SYT6: variants seen among roughly 807,000 people sequenced by gnomAD.
SYT6 encodes synaptotagmin 6.
In SYT6, 24 loss-of-function variants were observed where a neutral mutation model predicts 38.4. That is an observed-to-expected ratio of 0.62 (90% CI 0.45 to 0.88). The LOEUF (loss-of-function observed/expected upper bound fraction) is 0.88. SYT6 is among the 40% of genes least tolerant of loss of function. The pLI is 0.00. For synonymous variants in SYT6, 265 were observed against 241.9 expected (o/e 1.10, Z -0.89); for missense variants, 611 against 621.0 (o/e 0.98, Z 0.17).
In SYT6 at chr1:114,093,715, G is replaced by T. The variant is rs1178454148; in HGVS notation, c.*51+20C>A. ...GGTAATAAGCAACCTAACGTCTTTG[G>T]GTCCACACCAGGTACTTACTCCTAA... On this transcript the variant is annotated intron_variant, in intron 7 of 7. Transcript: ENST00000610222. The T allele has an allele frequency of 4.3e-6, 7 of 1,609,848 alleles. No homozygotes were observed. Among genetic ancestry groups the T allele is most frequent in the Non-Finnish European group, 5.1e-6 (6 of 1,177,926 alleles).
intron 3 of SYT6, among the ~76,000 whole-genome samples, chr1:114,107,355 C>T (rs1218914947): frequency 2.6e-5 from 4 of 152,340 alleles, no homozygotes; most frequent in Middle Eastern, 3.4e-3. Flanking sequence ...TGGCAGCTGG[C>T]GACATGCAGG....
chr1:114,096,498 T>C (rs684426), intron 6 of SYT6, among the ~76,000 whole-genome samples: 9,199 of 152,260 alleles, frequency 0.06, 447 homozygotes, highest in African/African-American at 0.12. Context: ...TAGCCTGTCC[T>C]CCATCCCCCA....
At chr1:114,124,597 T>C (rs972979928) in intron 3 of SYT6, among the ~76,000 whole-genome samples, 1 of 152,134 alleles carries the variant, frequency 6.6e-6, no homozygotes, top group Non-Finnish European at 1.5e-5. Context: ...TTTGTGTTGC[T>C]TGGAGTGTGG....
At chr1:114,096,986 CG>C in intron 6 of SYT6, among the ~76,000 whole-genome samples, 1 of 152,252 alleles carries the variant, frequency 6.6e-6, no homozygotes, top group Non-Finnish European at 1.5e-5. Context: ...GATCCTAAGT[CG>C]GTGGGATTCA....
chr1:114,093,156 G>A (rs1265645905), intron 7 of SYT6, among the ~76,000 whole-genome samples: 5 of 152,086 alleles, frequency 3.3e-5, no homozygotes, highest in Admixed American at 6.5e-5. Context: ...GTTTGGGGTC[G>A]GGGGAGGATG....
chr1:114,112,731 AG>A (rs1676759363), intron 3 of SYT6, among the ~76,000 whole-genome samples: 1 of 152,234 alleles, frequency 6.6e-6, no homozygotes, highest in Non-Finnish European at 1.5e-5. Flanking sequence ...CATTAACCAC[AG>A]GGGTGGTGGG....
intron 1 of SYT6, 80 bp from the exon 2 acceptor site, chr1:114,140,043 G>A (rs996387183): frequency 3.8e-6 from 3 of 786,548 alleles, no homozygotes; most frequent in Admixed American, 3.1e-5. Flanking sequence ...GGAGGAGGGG[G>A]CACACGGAAG....
Position 114,139,381 on chromosome 1 carries a change from G to A in SYT6, c.512+234C>T, listed in dbSNP as rs143994785. 4.4e-4 allele frequency among the ~76,000 whole-genome samples: 67 copies of A among 152,160 alleles called. 1 individual carries two copies. The highest frequency in any genetic ancestry group is 6.8e-4 in the Non-Finnish European group (46 of 68,000). Reference sequence around the variant, plus strand: ...CCCCTCACACCCACACACACCCCAAGTGCAAACCACATATACAGCAACCCG... The same window carrying A: ...CCCCTCACACCCACACACACCCCAAATGCAAACCACATATACAGCAACCCG... On this transcript the variant is annotated intron_variant, in intron 2 of 7. Transcript: ENST00000610222.
intron 3 of SYT6, among the ~76,000 whole-genome samples, chr1:114,133,342 A>G (rs936939782): frequency 6.6e-6 from 1 of 152,220 alleles, no homozygotes; most frequent in African/African-American, 2.4e-5. Context: ...TAGCGACAGG[A>G]ATAGTTGTGT....
At position 114,137,911 on chromosome 1, in the gene SYT6, C is replaced by T. The variant is rs756668154; in HGVS notation, c.655G>A (p.Gly219Arg). 2.5e-6 allele frequency: 4 copies of T among 1,613,962 alleles called. No individual in the cohort carries two copies. The South Asian group carries it at 3.3e-5, about 13-fold the overall frequency. The change falls in exon 3 of 8, where the codon GGG becomes AGG. Residue 219 changes from glycine (G) to arginine (R), a missense_variant. Transcript: ENST00000610222. ...PELYKQKSVD[G>R]EDAKSEATKS... Reference sequence around the variant, plus strand: ...GTGGCCTCAGACTTGGCATCCTCCCCATCCACCGACTTCTGCTTGTAGAGC... The same window carrying T: ...GTGGCCTCAGACTTGGCATCCTCCCTATCCACCGACTTCTGCTTGTAGAGC...
At chr1:114,114,486 G>C (rs1334435703) in intron 3 of SYT6, among the ~76,000 whole-genome samples, 1 of 152,186 alleles carries the variant, frequency 6.6e-6, no homozygotes, top group Non-Finnish European at 1.5e-5. Context: ...TCAGCCTCTG[G>C]TCTCCCCAGG....
Position 114,139,714 on chromosome 1 carries a change from G to A in SYT6, c.413C>T (p.Ser138Phe). The change falls in exon 2 of 8, where the codon TCC (serine) becomes TTC (phenylalanine). Residue 138 changes from serine (S) to phenylalanine (F), a missense_variant. Transcript: ENST00000610222. ...CTGCACCTCAGCTGGGATATCTGGG[G>A]ACGTGTGGCTGATCTTCACGGCCGC... is the stretch of plus-strand genomic sequence containing the variant. Reference protein sequence around the residue: ...LEAAVKISHTSPDIPAEVQMS... With the variant: ...LEAAVKISHTFPDIPAEVQMS... The A allele has an allele frequency of 1.9e-6, 3 of 1,614,182 alleles. No individual in the cohort carries two copies. The highest frequency in any genetic ancestry group is 2.5e-6 in the Non-Finnish European group (3 of 1,180,026).
At chr1:114,146,532 G>C (rs922375971) in intron 1 of SYT6, among the ~76,000 whole-genome samples, 2 of 152,198 alleles carry the variant, frequency 1.3e-5, no homozygotes, top group Non-Finnish European at 2.9e-5. Context: ...GAGGCAGCTA[G>C]AACTTTGATG....
intron 1 of SYT6, among the ~76,000 whole-genome samples, chr1:114,144,242 C>T (rs555076493): frequency 6.6e-5 from 10 of 152,238 alleles, no homozygotes; most frequent in Non-Finnish European, 1.3e-4. Flanking sequence ...CCTCCACTTC[C>T]TGTTCCCTGT....
rs1206057592 is a variant in SYT6 at position 114,127,919 on chromosome 1, C to A, written c.1071+9576G>T. Among the ~76,000 whole-genome samples, 6 of 152,324 alleles carry A rather than the reference C, an allele frequency of 3.9e-5. No homozygotes were observed. The East Asian group carries it at 1.2e-3, about 29-fold the overall frequency. On this transcript the variant is annotated intron_variant, in intron 3 of 7. Transcript: ENST00000610222. ...CAAAGACAACCGGGGAGCTGCACAG[C>A]TCCCGTTGAGCAGCAAACACACAAG...
In SYT6 at chr1:114,097,849, A is replaced by C. The variant is rs999442501; in HGVS notation, c.1393T>G (p.Cys465Gly). ...CCTTCAGCAGTGATCCCCACACGAC[A>C]GACTCCTATGATCTCATTGTGGCCC... ...RVGHNEIIGV[C>G]RVGITAEGLG... Residue 465 changes from cysteine (C) to glycine (G), a missense_variant, in exon 6 of 8, where the codon TGT becomes GGT. Cys to Gly is a radical substitution (Grantham distance 159). Transcript: ENST00000610222. 6 of 1,614,202 alleles carry C rather than the reference A, an allele frequency of 3.7e-6. No homozygotes were observed. Among genetic ancestry groups the C allele is most frequent in the Non-Finnish European group, 5.1e-6 (6 of 1,180,026 alleles).
In SYT6 at chr1:114,093,634, C is replaced by T. The variant is rs115946322; in HGVS notation, c.*51+101G>A. 27 of 1,147,508 alleles carry T rather than the reference C, an allele frequency of 2.4e-5. No homozygotes were observed. The African/African-American group carries it at 4.0e-4, about 17-fold the overall frequency. The allele number at this position is 1,147,508 out of a possible 1,614,324, so 71.1% of individuals were successfully genotyped here. On this transcript the variant is annotated intron_variant, in intron 7 of 7. Transcript: ENST00000610222. Reference sequence around the variant, plus strand: ...AACACCCAACCAAGTGTTCTTTCCACTCCATCCTGCTGCTATCTCAGCATC... The same window carrying T: ...AACACCCAACCAAGTGTTCTTTCCATTCCATCCTGCTGCTATCTCAGCATC...
intron 1 of SYT6, among the ~76,000 whole-genome samples, chr1:114,147,056 T>C (rs947815937): frequency 2.0e-5 from 3 of 152,226 alleles, no homozygotes; most frequent in African/African-American, 7.2e-5. Flanking sequence ...CTGAAAACCA[T>C]TGAACATTAA....
chr1:114,141,077 C>A (rs978793111), intron 1 of SYT6, among the ~76,000 whole-genome samples: 1 of 152,150 alleles, frequency 6.6e-6, no homozygotes, highest in Non-Finnish European at 1.5e-5. Flanking sequence ...TGAAATTAGG[C>A]CAATTGATAA....
Sources: allele counts gnomAD v4.1 joint callset (sites outside exome capture counted in the v4.1 genomes callset), GRCh38; gene constraint gnomAD v4.1.1; transcripts MANE v1.5; gene names NCBI Gene and HGNC (gene_info 2026-07-23, HGNC 2026-07-21).